NRXN3: variants seen among roughly 807,000 people sequenced by gnomAD.
The protein encoded by NRXN3 is neurexin III.
NRXN3 carries 32 observed loss-of-function variants against 137.6 expected under a neutral mutation model. That is an observed-to-expected ratio of 0.23 (90% CI 0.18 to 0.31). The LOEUF (loss-of-function observed/expected upper bound fraction) is 0.31. NRXN3 is among the 10% of genes least tolerant of loss of function. The pLI is 1.00. For synonymous variants in NRXN3, 798 were observed against 784.5 expected (o/e 1.02, Z -0.29); for missense variants, 1,574 against 2,062.5 (o/e 0.76, Z 4.59).
chr14:78,787,044 C>A (rs951271919), intron 8 of NRXN3, among the ~76,000 whole-genome samples: 6 of 152,130 alleles, frequency 3.9e-5, no homozygotes, highest in African/African-American at 1.4e-4. Context: ...ACTGATTTTA[C>A]TTTAATCAGT....
intron 4 of NRXN3, among the ~76,000 whole-genome samples, chr14:78,516,589 C>T (rs1000403260): frequency 6.6e-6 from 1 of 151,676 alleles, no homozygotes; most frequent in African/African-American, 2.4e-5. Flanking sequence ...GTGGAGAGCA[C>T]CGAGGTCAAC....
intron 15 of NRXN3, among the ~76,000 whole-genome samples, chr14:79,376,075 T>C (rs1032214634): frequency 3.4e-5 from 5 of 148,120 alleles, no homozygotes; most frequent in Non-Finnish European, 5.9e-5. Context: ...CTCTCACAAA[T>C]ATTGTTTTAG....
At chr14:78,815,101 T>C (rs1240378503) in intron 10 of NRXN3, among the ~76,000 whole-genome samples, 1 of 152,214 alleles carries the variant, frequency 6.6e-6, no homozygotes, top group Non-Finnish European at 1.5e-5. Context: ...TGTATAAGCC[T>C]GATTATTTAG....
At chr14:79,023,108 C>CT (rs33929389) in intron 15 of NRXN3, among the ~76,000 whole-genome samples, 83,274 of 139,772 alleles carry the variant, frequency 0.6, 24,887 homozygotes, top group East Asian at 0.75. Context: ...AGCCCTTTGC[C>CT]TTTTTTTTTT....
At chr14:79,521,039 T>C (rs1027711459) in intron 16 of NRXN3, among the ~76,000 whole-genome samples, 6 of 152,188 alleles carry the variant, frequency 3.9e-5, no homozygotes, top group African/African-American at 7.2e-5. Context: ...AATGATAGAC[T>C]GGATAATGAG....
At chr14:78,825,092 C>G (rs935156322) in intron 10 of NRXN3, among the ~76,000 whole-genome samples, 1 of 151,076 alleles carries the variant, frequency 6.6e-6, no homozygotes, top group Non-Finnish European at 1.5e-5. Context: ...TATGTCTTAC[C>G]CACCCTGGAT....
intron 15 of NRXN3, among the ~76,000 whole-genome samples, chr14:79,392,162 A>C (rs959901535): frequency 7.9e-5 from 12 of 152,152 alleles, no homozygotes; most frequent in Middle Eastern, 3.4e-3. Flanking sequence ...ACTCCCCAAC[A>C]GGTCCTGGTG....
chr14:79,634,028 G>A (rs1325856129), intron 16 of NRXN3, among the ~76,000 whole-genome samples: 1 of 151,908 alleles, frequency 6.6e-6, no homozygotes, highest in Admixed American at 6.6e-5. Flanking sequence ...AAAATCTTAG[G>A]CTGTCCCTAC....
At chr14:79,831,683 A>G (rs970312011) in intron 20 of NRXN3, among the ~76,000 whole-genome samples, 4 of 152,180 alleles carry the variant, frequency 2.6e-5, no homozygotes, top group Admixed American at 6.6e-5. Flanking sequence ...ACTACTCATG[A>G]GAGACTAAGA....
At chr14:78,580,462 T>C (rs2096982111) in intron 4 of NRXN3, among the ~76,000 whole-genome samples, 1 of 152,332 alleles carries the variant, frequency 6.6e-6, no homozygotes, top group African/African-American at 2.4e-5. Flanking sequence ...AGAAGCATTC[T>C]CTCTTCATCT....
At chr14:79,688,492 T>C (rs1455650611) in intron 17 of NRXN3, among the ~76,000 whole-genome samples, 1 of 152,190 alleles carries the variant, frequency 6.6e-6, no homozygotes, top group Non-Finnish European at 1.5e-5. Flanking sequence ...AGTTCTATTT[T>C]TCAGTTTTTT....
chr14:79,831,606 TATTTTGG>T (rs2099323902), intron 20 of NRXN3, among the ~76,000 whole-genome samples: 1 of 152,136 alleles, frequency 6.6e-6, no homozygotes, highest in Non-Finnish European at 1.5e-5. Flanking sequence ...TGGAGAAAGC[TATTTTGG>T]TTCGGCCCAG....
intron 17 of NRXN3, among the ~76,000 whole-genome samples, chr14:79,672,809 G>A (rs2098617010): frequency 1.3e-5 from 2 of 151,976 alleles, no homozygotes; most frequent in African/African-American, 2.4e-5. Context: ...CCATACAAGA[G>A]CATAGTTTTA....
At chr14:78,814,658 T>G (rs1354733355) in intron 10 of NRXN3, among the ~76,000 whole-genome samples, 2 of 152,230 alleles carry the variant, frequency 1.3e-5, no homozygotes, top group Admixed American at 1.3e-4. Flanking sequence ...AGGGCTGTTT[T>G]CTGGAGAATT....
intron 8 of NRXN3, among the ~76,000 whole-genome samples, chr14:78,777,045 G>C (rs2098746931): frequency 6.6e-6 from 1 of 152,104 alleles, no homozygotes; most frequent in South Asian, 2.1e-4. Flanking sequence ...ACATGAGGGA[G>C]GCCATTCATG....
intron 17 of NRXN3, among the ~76,000 whole-genome samples, chr14:79,668,933 T>C (rs2098588840): frequency 6.6e-6 from 1 of 152,114 alleles, no homozygotes; most frequent in Admixed American, 6.6e-5. Flanking sequence ...GAAAGATTTT[T>C]TTTTTGTCCA....
chr14:78,659,714 C>CAA (rs202186566), intron 6 of NRXN3, among the ~76,000 whole-genome samples: 3 of 104,164 alleles, frequency 2.9e-5, no homozygotes, highest in East Asian at 2.7e-4. Flanking sequence ...TGTGTGAGGA[C>CAA]AAAAAAAAAA....
At chr14:78,837,282 T>A (rs1220085587) in intron 10 of NRXN3, among the ~76,000 whole-genome samples, 1 of 152,198 alleles carries the variant, frequency 6.6e-6, no homozygotes, top group African/African-American at 2.4e-5. Context: ...AAGTTCCTGT[T>A]AAAATGAAAA....
At chr14:79,595,387 A>G (rs2097849870) in intron 16 of NRXN3, among the ~76,000 whole-genome samples, 1 of 152,230 alleles carries the variant, frequency 6.6e-6, no homozygotes, top group Non-Finnish European at 1.5e-5. Flanking sequence ...TCTTAGATGT[A>G]GCATGAGAAA....
Sources: allele counts gnomAD v4.1 joint callset (sites outside exome capture counted in the v4.1 genomes callset), GRCh38; gene constraint gnomAD v4.1.1; transcripts MANE v1.5; gene names NCBI Gene and HGNC (gene_info 2026-07-23, HGNC 2026-07-21).